Variants in SPINK5 observed in about 807,000 individuals in gnomAD.
SPINK5 encodes serine protease inhibitor Kazal-type 5.
A neutral mutation model predicts 151.8 loss-of-function variants in SPINK5; 125 were observed. The ratio of observed to expected loss-of-function variants is 0.82; its 90% CI spans 0.71 to 0.96. SPINK5 has a LOEUF of 0.96. Among genes scored for constraint, SPINK5 ranks in the 40% least tolerant of loss-of-function variants. The pLI is 0.00. For synonymous variants in SPINK5, 374 were observed against 395.3 expected (o/e 0.95, Z 0.64); for missense variants, 1,194 against 1,291.9 (o/e 0.92, Z 1.16).
chr5:148,121,289 G>A (rs1380398529), intron 26 of SPINK5, among the ~76,000 whole-genome samples: 2 of 151,230 alleles, frequency 1.3e-5, no homozygotes, highest in South Asian at 2.1e-4. Flanking sequence ...ACACCAACAC[G>A]TAGAATATTA....
intron 15 of SPINK5, among the ~76,000 whole-genome samples, chr5:148,102,303 G>A (rs998408134): frequency 6.6e-6 from 1 of 151,990 alleles, no homozygotes; most frequent in Non-Finnish European, 1.5e-5. Context: ...TAAGTTTATG[G>A]GATGTATTGG....
At chr5:148,071,968 A>G (rs1752749926) in intron 3 of SPINK5, among the ~76,000 whole-genome samples, 180 bp from the exon 4 acceptor site, 1 of 152,030 alleles carries the variant, frequency 6.6e-6, no homozygotes, top group Non-Finnish European at 1.5e-5. Flanking sequence ...CATGTTCGAG[A>G]TATTTTTCAA....
chr5:148,109,064 CT>C lies in SPINK5; in HGVS notation c.1692+228del, dbSNP rs113070270. On this transcript the variant is annotated intron_variant, in intron 18 of 32. Transcript: ENST00000256084. ...GAGAGATCAATCACCATTTTCTCCCCTGATTGTGTCAATTATATTACCTAAG... is the reference window on the plus strand; with the variant it reads ...GAGAGATCAATCACCATTTTCTCCCCGATTGTGTCAATTATATTACCTAAG... Among the ~76,000 whole-genome samples, 22,244 of 152,054 alleles carry C rather than the reference CT, an allele frequency of 0.15. 2,143 individuals are homozygous for C. The highest frequency in any genetic ancestry group is 0.32 in the East Asian group (1,650 of 5,160).
At position 148,114,509 on chromosome 5, in the gene SPINK5, C is replaced by G; in HGVS notation, c.2015+20C>G. 1.2e-6 allele frequency: 2 copies of G among 1,612,472 alleles called. No homozygotes were observed. The highest frequency in any genetic ancestry group is 1.7e-6 in the Non-Finnish European group (2 of 1,179,062). On this transcript the variant is annotated intron_variant, in intron 21 of 32. Transcript: ENST00000256084. ...AGTCTTGTGAGTGCACAAAGAAAAC[C>G]ACTACTGTGGGATGGTGGAATTGGG...
At chr5:148,103,187 C>T (rs906322340) in intron 15 of SPINK5, among the ~76,000 whole-genome samples, 12 of 152,118 alleles carry the variant, frequency 7.9e-5, no homozygotes, top group South Asian at 2.1e-4. Flanking sequence ...GTTTGTTGAA[C>T]GCATATAATT....
intron 6 of SPINK5, chr5:148,089,025 G>A (rs1159577236): frequency 4.3e-6 from 2 of 461,362 alleles, no homozygotes; most frequent in Admixed American, 4.7e-5. Context: ...ACAGTTTTGT[G>A]AGCCTGTGAT....
intron 28 of SPINK5, chr5:148,125,382 T>C: frequency 1.3e-6 from 1 of 750,492 alleles, no homozygotes; most frequent in Non-Finnish European, 2.4e-6. Flanking sequence ...CAATCACATT[T>C]GTAGAGTTAG....
intron 24 of SPINK5, 146 bp downstream of exon 24, chr5:148,119,204 C>G: frequency 1.4e-6 from 1 of 719,708 alleles, no homozygotes; most frequent in South Asian, 1.5e-5. Context: ...GTGACTCTCA[C>G]TGATAACTTG....
At chr5:148,081,855 T>A (rs1428582815) in intron 4 of SPINK5, among the ~76,000 whole-genome samples, 2 of 151,774 alleles carry the variant, frequency 1.3e-5, no homozygotes, top group African/African-American at 4.8e-5. Context: ...TATTATTTAA[T>A]ACAAAATTTC....
At chr5:148,127,647 T>C (rs2113223256) in intron 30 of SPINK5, among the ~76,000 whole-genome samples, 2 of 151,984 alleles carry the variant, frequency 1.3e-5, no homozygotes, top group Middle Eastern at 6.8e-3. Flanking sequence ...GCCCCAGGAG[T>C]TTGAGACCAC....
chr5:148,085,736 G>T (rs1225544242), intron 4 of SPINK5, among the ~76,000 whole-genome samples: 1 of 151,870 alleles, frequency 6.6e-6, no homozygotes, highest in Non-Finnish European at 1.5e-5. Flanking sequence ...GTACCTAAAA[G>T]ATGTTTAGTT....
chr5:148,079,084 T>C (rs374297017), intron 4 of SPINK5, among the ~76,000 whole-genome samples: 3 of 150,792 alleles, frequency 2.0e-5, no homozygotes, highest in South Asian at 2.1e-4. Flanking sequence ...AAGAGTGAAA[T>C]AGGAGACATC....
chr5:148,099,166 A>G, intron 11 of SPINK5, 68 bp from the exon 12 acceptor site: 1 of 1,422,746 alleles, frequency 7.0e-7, no homozygotes, highest in Non-Finnish European at 9.7e-7. Flanking sequence ...TTAACAGTGC[A>G]AGGATGTGGA....
chr5:148,101,494 T>C, intron 14 of SPINK5, 58 bp downstream of exon 14: 3 of 1,354,520 alleles, frequency 2.2e-6, no homozygotes, highest in Non-Finnish European at 3.2e-6. Flanking sequence ...CCACAGATCA[T>C]GTTCAGGGAA....
rs562881005 is a variant in SPINK5 at position 148,072,342 on chromosome 5, G to A, written c.282+122G>A. ...TTTGAAGCCAACAACTTAGGAGGGAGGGAACATGGGTTAGTCCAGGGGTGG... is the reference window on the plus strand; with the variant it reads ...TTTGAAGCCAACAACTTAGGAGGGAAGGAACATGGGTTAGTCCAGGGGTGG... On this transcript the variant is annotated intron_variant, in intron 4 of 32. Transcript: ENST00000256084. The A allele has an allele frequency of 2.6e-5, 26 of 1,011,046 alleles. No homozygotes were observed. In the South Asian group the frequency reaches 3.3e-4, roughly 13 times the overall value. The allele number at this position is 1,011,046 out of a possible 1,614,324, so 62.6% of individuals were successfully genotyped here.
At position 148,105,111 on chromosome 5, in the gene SPINK5, T is replaced by A. The variant is rs545796759; in HGVS notation, c.1479+111T>A. On this transcript the variant is annotated intron_variant, in intron 16 of 32. Coordinates refer to ENST00000256084, the MANE Select transcript of SPINK5 (RefSeq NM_006846.4). ...TTCTGTTTAATTTTCATGCCTGAAA[T>A]AAATGAAGAACATTTTTAACCTGAA... 149 of 1,224,150 alleles carry A rather than the reference T, an allele frequency of 1.2e-4. No individual in the cohort carries two copies. In the African/African-American group the frequency reaches 2.0e-3, roughly 17 times the overall value. The allele number at this position is 1,224,150 out of a possible 1,614,324, so 75.8% of individuals were successfully genotyped here.
At position 148,120,355 on chromosome 5, in the gene SPINK5, AAGG is replaced by A. The variant is rs778002683; in HGVS notation, c.2505_2507del (p.Arg835del). Reference sequence around the variant, plus strand: ...ATGAAGACAGGAGCAATACAGGAGAAAGGAGCAATACAGGAGAAAGGAGCAATG... The same window carrying A: ...ATGAAGACAGGAGCAATACAGGAGAAAGCAATACAGGAGAAAGGAGCAATG... On this transcript the variant is annotated inframe_deletion, in exon 26 of 33. Transcript: ENST00000256084. The A allele has an allele frequency of 2.5e-6, 4 of 1,600,878 alleles. No homozygotes were observed. Among genetic ancestry groups the A allele is most frequent in the Non-Finnish European group, 8.5e-7 (1 of 1,171,868 alleles).
chr5:148,129,988 G>C (rs1754533040), intron 30 of SPINK5, among the ~76,000 whole-genome samples: 1 of 151,802 alleles, frequency 6.6e-6, no homozygotes, highest in African/African-American at 2.4e-5. Context: ...TCTTGACTCT[G>C]GTCAATTTTG....
At chr5:148,082,308 T>A (rs1268275691) in intron 4 of SPINK5, among the ~76,000 whole-genome samples, 3 of 151,368 alleles carry the variant, frequency 2.0e-5, no homozygotes, top group East Asian at 2.0e-4. Flanking sequence ...TTTTAAAAAA[T>A]TTATGACAAA....
Sources: allele counts gnomAD v4.1 joint callset (sites outside exome capture counted in the v4.1 genomes callset), GRCh38; gene constraint gnomAD v4.1.1; transcripts MANE v1.5; gene names NCBI Gene and HGNC (gene_info 2026-07-23, HGNC 2026-07-21).